Variants in GRK3 observed in about 807,000 individuals in gnomAD.
GRK3 encodes the protein G protein-coupled receptor kinase 3.
A neutral mutation model predicts 95.7 loss-of-function variants in GRK3; 54 were observed. That is an observed-to-expected ratio of 0.56 (90% confidence interval 0.45 to 0.71). The LOEUF (loss-of-function observed/expected upper bound fraction) is 0.71, where lower values mean the gene tolerates loss of function less well. Among genes scored for constraint, GRK3 ranks in the 30% least tolerant of loss-of-function variants. GRK3 has a pLI of 0.00. For missense variants in GRK3, 649 were observed against 851.2 expected (o/e 0.76, Z 2.96); for synonymous variants, 281 against 290.8 (o/e 0.97, Z 0.34).
chr22:25,680,197 T>C (rs2085063894), intron 9 of GRK3, among the ~76,000 whole-genome samples: 1 of 152,248 alleles, frequency 6.6e-6, no homozygotes. Context: ...CCCATAGCCA[T>C]AAATAATTTC....
chr22:25,617,150 G>A (rs999431243), intron 2 of GRK3, among the ~76,000 whole-genome samples: 2 of 152,158 alleles, frequency 1.3e-5, no homozygotes, highest in African/African-American at 4.8e-5. Context: ...TACCTTATAC[G>A]ATGCACTTAC....
chr22:25,657,463 G>A (rs541003531), intron 3 of GRK3, among the ~76,000 whole-genome samples: 1 of 151,988 alleles, frequency 6.6e-6, no homozygotes, highest in Non-Finnish European at 1.5e-5. Flanking sequence ...TGACTTCACT[G>A]GATATTAATA....
At chr22:25,651,252 T>C (rs1028330013) in intron 3 of GRK3, among the ~76,000 whole-genome samples, 9 of 152,210 alleles carry the variant, frequency 5.9e-5, no homozygotes, top group Admixed American at 1.3e-4. Flanking sequence ...CTAGTGTGTA[T>C]GTTATAAAAT....
At chr22:25,650,334 A>G (rs1400436991) in intron 3 of GRK3, among the ~76,000 whole-genome samples, 1 of 152,150 alleles carries the variant, frequency 6.6e-6, no homozygotes, top group Non-Finnish European at 1.5e-5. Flanking sequence ...GCAATTTTTT[A>G]AGGCAATATA....
intron 9 of GRK3, among the ~76,000 whole-genome samples, chr22:25,683,535 G>T (rs932040036): frequency 1.3e-5 from 2 of 152,174 alleles, no homozygotes; most frequent in African/African-American, 4.8e-5. Context: ...TATCTTCCCA[G>T]CACTCAGTAT....
chr22:25,585,033 A>G (rs1421301316), intron 1 of GRK3, among the ~76,000 whole-genome samples: 2 of 152,290 alleles, frequency 1.3e-5, no homozygotes, highest in Non-Finnish European at 2.9e-5. Flanking sequence ...GGTAAAGTGG[A>G]GAACCACTGG....
At chr22:25,573,234 GAGTA>G (rs1411776682) in intron 1 of GRK3, among the ~76,000 whole-genome samples, 1 of 152,156 alleles carries the variant, frequency 6.6e-6, no homozygotes, top group Non-Finnish European at 1.5e-5. Context: ...TTACTGAGCT[GAGTA>G]AGAATATCAA....
intron 15 of GRK3, among the ~76,000 whole-genome samples, chr22:25,707,862 AG>A (rs957989589): frequency 2.0e-4 from 31 of 152,152 alleles, no homozygotes; most frequent in African/African-American, 7.0e-4. Context: ...AAGAGGTACC[AG>A]GACCCTGGTG....
chr22:25,565,178 G>T lies in GRK3; in HGVS notation c.113+25G>T, dbSNP rs542893330. The T allele has an allele frequency of 1.5e-4, 200 of 1,371,818 alleles. 5 individuals carry two copies. The South Asian group carries it at 2.6e-3, about 18-fold the overall frequency. The allele number at this position is 1,371,818 out of a possible 1,614,324, so 85.0% of individuals were successfully genotyped here. A position where few individuals can be genotyped will look rare whatever the true frequency, so the allele number is the denominator to read the frequency against. On this transcript the variant is annotated intron_variant, in intron 1 of 20. Coordinates refer to ENST00000324198, the MANE Select transcript of GRK3 (RefSeq NM_005160.4). ...GGTACCAGCTGCCCCGGCCGGCGCCGGCCCCAAGCCGCCGCCCCCTGCGGC... is the reference window on the plus strand; with the variant it reads ...GGTACCAGCTGCCCCGGCCGGCGCCTGCCCCAAGCCGCCGCCCCCTGCGGC...
At chr22:25,718,740 G>C (rs2085406769) in intron 19 of GRK3, among the ~76,000 whole-genome samples, 1 of 152,184 alleles carries the variant, frequency 6.6e-6, no homozygotes, top group Admixed American at 6.5e-5. Context: ...CTGGGACTTT[G>C]AACACGTCAC....
intron 8 of GRK3, 54 bp from the exon 9 acceptor site, chr22:25,678,762 A>C: frequency 9.1e-7 from 1 of 1,104,526 alleles, no homozygotes; most frequent in South Asian, 1.5e-5. Context: ...ATATTGTTTA[A>C]ATTAGTCTAG....
In GRK3 at chr22:25,647,540, T is replaced by TAG. The variant is rs2084794628; in HGVS notation, c.264+2875_264+2876insAG. On this transcript the variant is annotated intron_variant, in intron 3 of 20. Coordinates refer to ENST00000324198, the MANE Select transcript of GRK3 (RefSeq NM_005160.4). The stretch of plus-strand genomic sequence containing the variant: ...TATCCTGCTGGCTTAACACGTGGTG[T>TAG]TACTATATTTGTGGCCTTATATGAT... 10 of 1,550,060 alleles carry TAG rather than the reference T, an allele frequency of 6.5e-6. No individual in the cohort carries two copies. In the South Asian group the frequency reaches 1.1e-4, roughly 17 times the overall value.
At chr22:25,620,429 T>C (rs990149433) in intron 2 of GRK3, among the ~76,000 whole-genome samples, 3 of 152,150 alleles carry the variant, frequency 2.0e-5, no homozygotes, top group Admixed American at 6.5e-5. Flanking sequence ...GGGATTGTCG[T>C]GTTGGGTGGA....
chr22:25,601,850 T>C (rs1462025141), intron 1 of GRK3, among the ~76,000 whole-genome samples: 1 of 152,240 alleles, frequency 6.6e-6, no homozygotes, highest in Non-Finnish European at 1.5e-5. Flanking sequence ...TATTAGACCA[T>C]ATTTGTGTTT....
chr22:25,614,502 T>C (rs558349925), intron 2 of GRK3, among the ~76,000 whole-genome samples: 4 of 152,334 alleles, frequency 2.6e-5, no homozygotes, highest in Non-Finnish European at 5.9e-5. Context: ...ATTGGAATAC[T>C]ATTAGTCCAT....
rs578018688 is a variant in GRK3, at chr22:25,629,910, G to A, written c.191-14682G>A. Among the ~76,000 whole-genome samples, 10 of 152,252 alleles carry A rather than the reference G, an allele frequency of 6.6e-5. No homozygotes were observed. The East Asian group carries it at 1.9e-3, about 29-fold the overall frequency. On this transcript the variant is annotated intron_variant, in intron 2 of 20. Transcript: ENST00000324198. Reference sequence around the variant, plus strand: ...ATTTCTCCTCTACCAAGTGAATTTGGCACTTAATACAAGACAAGTAAGTGT... The same window carrying A: ...ATTTCTCCTCTACCAAGTGAATTTGACACTTAATACAAGACAAGTAAGTGT...
intron 3 of GRK3, among the ~76,000 whole-genome samples, chr22:25,646,538 G>A (rs1378295073): frequency 6.6e-6 from 1 of 152,114 alleles, no homozygotes. Flanking sequence ...GAAAGCTTAG[G>A]AAACCCTAAG....
chr22:25,651,303 G>C lies in GRK3; in HGVS notation c.264+6638G>C, dbSNP rs186873022. The stretch of plus-strand genomic sequence containing the variant: ...CACCTTAAATTAAACCTTATACTAG[G>C]TTCCTCTATTTTCAGGATATAATTC... On this transcript the variant is annotated intron_variant, in intron 3 of 20. Transcript: ENST00000324198. 4.6e-5 allele frequency among the ~76,000 whole-genome samples: 7 copies of C among 152,134 alleles called. No individual in the cohort carries two copies. The East Asian group carries it at 1.2e-3, about 25-fold the overall frequency.
intron 2 of GRK3, among the ~76,000 whole-genome samples, chr22:25,606,802 A>G (rs950815250): frequency 4.6e-5 from 7 of 152,198 alleles, no homozygotes; most frequent in African/African-American, 1.7e-4. Flanking sequence ...TCTTTAATTT[A>G]CTTGGCCTCT....
Sources: gnomAD v4.1 joint callset for allele counts (sites outside exome capture counted in the v4.1 genomes callset) on GRCh38, gnomAD v4.1.1 for gene constraint, MANE v1.5 for transcripts, NCBI Gene and HGNC (gene_info 2026-07-23, HGNC 2026-07-21) for gene names.